KATNIP: variants seen among roughly 807,000 people sequenced by gnomAD.
KATNIP encodes the protein katanin-interacting protein.
In KATNIP, 126 loss-of-function variants were observed where a neutral mutation model predicts 174.0. The observed-to-expected ratio is 0.72, with a 90% CI of 0.63 to 0.84. KATNIP has a LOEUF of 0.84. KATNIP is among the 40% of genes least tolerant of loss of function. The pLI is 0.00. For synonymous variants in KATNIP, 810 were observed against 835.7 expected, an observed-to-expected ratio of 0.97 and a Z score of 0.53; for missense variants, 1,958 against 2,109.7, an observed-to-expected ratio of 0.93 and a Z score of 1.41.
At chr16:27,729,497 T>C (rs1196012694) in intron 14 of KATNIP, among the ~76,000 whole-genome samples, 2 of 152,214 alleles carry the variant, frequency 1.3e-5, no homozygotes, top group Admixed American at 6.5e-5. Context: ...TCAGGGAAGA[T>C]AGAAAATCAT....
rs114977889 is a variant in KATNIP, at chr16:27,759,984, G to A, written c.3632-1429G>A. Among the ~76,000 whole-genome samples, 558 of 152,278 alleles carry A rather than the reference G, an allele frequency of 3.7e-3. 2 individuals are homozygous for A. The highest frequency in any genetic ancestry group is 0.01 in the Middle Eastern group (3 of 294). ...ATGCTCAGAGTTACCTTGGCACCAC[G>A]AAGGAGGAAAAGGATCTGAGGGCTA... On this transcript the variant is annotated intron_variant, in intron 18 of 27. Coordinates refer to ENST00000261588, the MANE Select transcript of KATNIP (RefSeq NM_015202.5).
chr16:27,602,797 C>G (rs896235620), intron 2 of KATNIP, among the ~76,000 whole-genome samples: 2 of 152,152 alleles, frequency 1.3e-5, no homozygotes, highest in Non-Finnish European at 2.9e-5. Context: ...CTCCTGGGTT[C>G]AAGTGATTCT....
At position 27,771,580 on chromosome 16, in the gene KATNIP, T is replaced by C. The variant is rs952313114; in HGVS notation, c.4134-8T>C. 3 of 1,611,518 alleles carry C rather than the reference T, an allele frequency of 1.9e-6. No individual in the cohort carries two copies. Among genetic ancestry groups the C allele is most frequent in the African/African-American group, 2.7e-5 (2 of 74,880 alleles). The stretch of plus-strand genomic sequence containing the variant: ...GCTTCTTCATGGTGCTGTTTTGTGC[T>C]TTTTCAGGCTGGACATGAGAAGCCT... On this transcript the variant is annotated splice_polypyrimidine_tract_variant and splice_region_variant and intron_variant, in intron 21 of 27. Transcript: ENST00000261588.
intron 11 of KATNIP, among the ~76,000 whole-genome samples, chr16:27,703,359 C>T (rs181971368): frequency 1.8e-4 from 27 of 152,234 alleles, no homozygotes; most frequent in Middle Eastern, 3.4e-3. Flanking sequence ...GATGAAGGCA[C>T]GCTCTGCTGG....
At chr16:27,584,398 A>G (rs1044202760) in intron 2 of KATNIP, among the ~76,000 whole-genome samples, 2 of 152,202 alleles carry the variant, frequency 1.3e-5, no homozygotes, top group African/African-American at 4.8e-5. Flanking sequence ...AAGGAAAATC[A>G]GGATACTGGT....
chr16:27,755,175 TC>T (rs139088542), intron 18 of KATNIP: 1,985 of 152,310 alleles, frequency 0.013, 22 homozygotes, highest in Non-Finnish European at 0.021. Context: ...ACTGTCAGGA[TC>T]CCCTCCCCAC....
intron 6 of KATNIP, among the ~76,000 whole-genome samples, chr16:27,671,693 G>A (rs1294106371): frequency 6.6e-6 from 1 of 152,188 alleles, no homozygotes; most frequent in African/African-American, 2.4e-5. Flanking sequence ...AAAGCTGGTA[G>A]CCCTGTTTCC....
chr16:27,723,936 G>A lies in KATNIP; in HGVS notation c.1743+2241G>A, dbSNP rs984932841. 3.3e-5 allele frequency among the ~76,000 whole-genome samples: 5 copies of A among 152,362 alleles called. No homozygotes were observed. In the East Asian group the frequency reaches 7.7e-4, roughly 24 times the overall value. ...TCAGTTGCGAGGCACCTCGAGTCAG[G>A]AAACTAACAGGACAGGCAGCCCCGG... On this transcript the variant is annotated intron_variant, in intron 14 of 27. Transcript: ENST00000261588.
At chr16:27,612,918 T>C (rs1270247642) in intron 2 of KATNIP, among the ~76,000 whole-genome samples, 2 of 151,928 alleles carry the variant, frequency 1.3e-5, no homozygotes, top group Non-Finnish European at 2.9e-5. Context: ...GAGACCAACC[T>C]GGGCAACATA....
At chr16:27,736,785 T>C (rs1361396577) in intron 14 of KATNIP, among the ~76,000 whole-genome samples, 1 of 151,658 alleles carries the variant, frequency 6.6e-6, no homozygotes, top group Non-Finnish European at 1.5e-5. Flanking sequence ...GTGTGGAAAA[T>C]GAAGTGAGTG....
At chr16:27,696,722 AT>A (rs1222004986) in intron 8 of KATNIP, among the ~76,000 whole-genome samples, 9 of 143,632 alleles carry the variant, frequency 6.3e-5, no homozygotes, top group Admixed American at 6.9e-5. Context: ...AGTATTCCAC[AT>A]TTTTTTTCTT....
intron 21 of KATNIP, among the ~76,000 whole-genome samples, chr16:27,771,348 C>T (rs181552590): frequency 6.6e-6 from 1 of 152,188 alleles, no homozygotes; most frequent in East Asian, 1.9e-4. Context: ...TAAAAGAGTC[C>T]ATTTCAGGAA....
chr16:27,608,844 G>A (rs116110004), intron 2 of KATNIP, among the ~76,000 whole-genome samples: 3,157 of 152,176 alleles, frequency 0.021, 127 homozygotes, highest in African/African-American at 0.072. Context: ...GGTCACTTGC[G>A]CCTCCTCAGC....
At position 27,778,610 on chromosome 16, in the gene KATNIP, C is replaced by G; in HGVS notation, c.4838C>G (p.Thr1613Arg). 1.9e-6 allele frequency: 3 copies of G among 1,613,786 alleles called. No homozygotes were observed. Among genetic ancestry groups the G allele is most frequent in the Non-Finnish European group, 2.5e-6 (3 of 1,179,792 alleles). ...RPKTCISEKE[T>R]RRRRC is the part of the protein sequence containing the mutation. Reference sequence around the variant, plus strand: ...AAAACCTGCATCAGCGAGAAGGAGACGAGACGACGGCGCTGCTGACTGGTG... The same window carrying G: ...AAAACCTGCATCAGCGAGAAGGAGAGGAGACGACGGCGCTGCTGACTGGTG... Residue 1613 changes from threonine (T) to arginine (R), a missense_variant, in exon 28 of 28, where the codon ACG becomes AGG. Around this residue, in one of 3 missense-constraint regions of KATNIP, gnomAD observed 383 missense variants for 456.0 expected, o/e 0.84. Transcript: ENST00000261588.
At chr16:27,562,859 G>A (rs1217966241) in intron 1 of KATNIP, among the ~76,000 whole-genome samples, 1 of 152,196 alleles carries the variant, frequency 6.6e-6, no homozygotes, top group East Asian at 1.9e-4. Context: ...GTATTAAACT[G>A]ACTTTGTCAT....
intron 18 of KATNIP, among the ~76,000 whole-genome samples, chr16:27,761,025 G>C (rs1278824541): frequency 6.6e-6 from 1 of 152,178 alleles, no homozygotes; most frequent in Non-Finnish European, 1.5e-5. Flanking sequence ...AGCCTGGGTG[G>C]GGCCTAGGGT....
chr16:27,711,892 G>C (rs934544993), intron 13 of KATNIP, among the ~76,000 whole-genome samples: 1 of 152,056 alleles, frequency 6.6e-6, no homozygotes, highest in African/African-American at 2.4e-5. Flanking sequence ...TGGCTGCCTG[G>C]GTGCTGTGGC....
intron 17 of KATNIP, among the ~76,000 whole-genome samples, chr16:27,753,301 G>A (rs1013341209): frequency 6.6e-6 from 1 of 152,056 alleles, no homozygotes; most frequent in Non-Finnish European, 1.5e-5. Flanking sequence ...CCTTTTTTGG[G>A]CCACAAGCCG....
chr16:27,722,580 C>T (rs1343937448), intron 14 of KATNIP, among the ~76,000 whole-genome samples: 1 of 152,168 alleles, frequency 6.6e-6, no homozygotes, highest in Non-Finnish European at 1.5e-5. Flanking sequence ...TTATGGTAGA[C>T]ATAGGGGCAA....
Sources: allele counts gnomAD v4.1 joint callset (sites outside exome capture counted in the v4.1 genomes callset), GRCh38; gene constraint gnomAD v4.1.1; regional missense constraint gnomAD v4.1.1; transcripts MANE v1.5; gene names NCBI Gene and HGNC (gene_info 2026-07-23, HGNC 2026-07-21).